The following RBFOX1 variants were observed in gnomAD, a reference collection of about 807,000 sequenced individuals.
The protein encoded by RBFOX1 is RNA binding protein fox-1 homolog 1.
A neutral mutation model predicts 57.7 loss-of-function variants in RBFOX1; 8 were observed. That is an observed-to-expected ratio of 0.14 (90% CI 0.08 to 0.25). The LOEUF (loss-of-function observed/expected upper bound fraction) is 0.25. RBFOX1 is among the 10% of genes least tolerant of loss of function. RBFOX1 has a pLI of 1.00. For missense variants in RBFOX1, 611 were observed against 548.5 expected, an observed-to-expected ratio of 1.11 and a Z score of -1.14; for synonymous variants, 326 against 222.4, an observed-to-expected ratio of 1.47 and a Z score of -4.15.
intron 3 of RBFOX1, among the ~76,000 whole-genome samples, chr16:5,843,440 T>C (rs1213464789): frequency 6.6e-6 from 1 of 152,222 alleles, no homozygotes; most frequent in Admixed American, 6.5e-5. Flanking sequence ...TCCAGCTCCA[T>C]GCATGTTCCA....
At chr16:6,764,367 T>A (rs994850) in intron 3 of RBFOX1, among the ~76,000 whole-genome samples, 134,412 of 152,108 alleles carry the variant, frequency 0.88, 59,793 homozygotes, top group Middle Eastern at 0.94. Context: ...TTTCAGTCCT[T>A]ATGGTAGTCG....
At chr16:7,043,762 C>G (rs935374122) in intron 3 of RBFOX1, among the ~76,000 whole-genome samples, 1 of 152,236 alleles carries the variant, frequency 6.6e-6, no homozygotes, top group East Asian at 1.9e-4. Flanking sequence ...TCCTACTTTC[C>G]CCAGTTCAAG....
intron 2 of RBFOX1, among the ~76,000 whole-genome samples, chr16:5,513,134 T>A (rs2043665982): frequency 6.6e-6 from 1 of 152,178 alleles, no homozygotes; most frequent in Admixed American, 6.5e-5. Context: ...AGGCTGGTCT[T>A]GAACTCCAGG....
At chr16:6,224,505 A>C (rs182866710) in intron 1 of RBFOX1, among the ~76,000 whole-genome samples, 7 of 152,110 alleles carry the variant, frequency 4.6e-5, no homozygotes, top group Non-Finnish European at 1.0e-4. Flanking sequence ...TGGAGTAGTA[A>C]GATGCTCGAT....
intron 2 of RBFOX1, among the ~76,000 whole-genome samples, chr16:5,596,740 A>C (rs1245141098): frequency 6.6e-6 from 1 of 152,258 alleles, no homozygotes; most frequent in Non-Finnish European, 1.5e-5. Flanking sequence ...AAAGCCAGAC[A>C]TTCTCAGACC....
At chr16:7,079,782 C>T (rs1288027667) in intron 4 of RBFOX1, among the ~76,000 whole-genome samples, 1 of 151,702 alleles carries the variant, frequency 6.6e-6, no homozygotes, top group Non-Finnish European at 1.5e-5. Flanking sequence ...GTGTGTTTGT[C>T]AAACTGTACA....
At chr16:6,304,876 C>CAA (rs58680911) in intron 1 of RBFOX1, among the ~76,000 whole-genome samples, 32 of 79,642 alleles carry the variant, frequency 4.0e-4, no homozygotes, top group East Asian at 7.3e-4. Context: ...GACCCTGTCT[C>CAA]AAAAAAAAAA....
At chr16:5,625,258 G>T (rs1202157730) in intron 3 of RBFOX1, among the ~76,000 whole-genome samples, 1 of 152,182 alleles carries the variant, frequency 6.6e-6, no homozygotes, top group Non-Finnish European at 1.5e-5. Context: ...GGACCTGGGC[G>T]TGGTAGGGGC....
chr16:7,475,744 G>C (rs1318467670), intron 4 of RBFOX1, among the ~76,000 whole-genome samples: 1 of 152,188 alleles, frequency 6.6e-6, no homozygotes, highest in Non-Finnish European at 1.5e-5. Context: ...CTGGGCCTCA[G>C]ATTCCCCATA....
intron 4 of RBFOX1, among the ~76,000 whole-genome samples, chr16:7,249,102 A>G (rs994889138): frequency 6.6e-6 from 1 of 152,136 alleles, no homozygotes; most frequent in Non-Finnish European, 1.5e-5. Context: ...AGGGGAAGAG[A>G]GAAATGGGAG....
chr16:5,628,311 G>C (rs1314717829), intron 3 of RBFOX1, among the ~76,000 whole-genome samples: 1 of 152,206 alleles, frequency 6.6e-6, no homozygotes, highest in African/African-American at 2.4e-5. Flanking sequence ...AATTATCACA[G>C]ACTAAATTCT....
chr16:5,305,201 C>T (rs1326595822), intron 1 of RBFOX1, among the ~76,000 whole-genome samples: 1 of 152,156 alleles, frequency 6.6e-6, no homozygotes, highest in East Asian at 1.9e-4. Context: ...GTTTCAGAAT[C>T]AGTGAGGGAC....
chr16:6,206,941 C>T (rs1008190457), intron 1 of RBFOX1, among the ~76,000 whole-genome samples: 2 of 151,448 alleles, frequency 1.3e-5, no homozygotes, highest in African/African-American at 4.9e-5. Context: ...CCTTGTAATA[C>T]ACTTAATTCT....
intron 1 of RBFOX1, among the ~76,000 whole-genome samples, chr16:5,395,239 C>G (rs745336825): frequency 2.6e-5 from 4 of 152,242 alleles, no homozygotes; most frequent in Admixed American, 6.5e-5. Context: ...CTCACTAACT[C>G]TTCCTTGAAG....
chr16:6,431,177 G>T (rs1010218643), intron 2 of RBFOX1, among the ~76,000 whole-genome samples: 1 of 151,862 alleles, frequency 6.6e-6, no homozygotes, highest in African/African-American at 2.4e-5. Flanking sequence ...AATGGTCTAG[G>T]TGGGGAAAGG....
chr16:5,887,848 T>A (rs2057939276), intron 4 of RBFOX1, among the ~76,000 whole-genome samples: 1 of 152,154 alleles, frequency 6.6e-6, no homozygotes, highest in African/African-American at 2.4e-5. Context: ...GGAGAGAGAT[T>A]TTTTGCATAC....
intron 1 of RBFOX1, among the ~76,000 whole-genome samples, chr16:6,209,836 C>T (rs567314732): frequency 4.6e-5 from 7 of 152,168 alleles, no homozygotes; most frequent in Non-Finnish European, 1.0e-4. Context: ...CAGAGGGAAT[C>T]GATAGAAACA....
intron 4 of RBFOX1, among the ~76,000 whole-genome samples, chr16:7,460,469 T>C (rs2059381452): frequency 6.9e-6 from 1 of 145,446 alleles, no homozygotes; most frequent in Non-Finnish European, 1.5e-5. Flanking sequence ...ATATCTAATA[T>C]ATATCTAATT....
chr16:5,800,506 G>T (rs2055022434), intron 3 of RBFOX1, among the ~76,000 whole-genome samples: 1 of 152,132 alleles, frequency 6.6e-6, no homozygotes. Context: ...CCTCTGCTGG[G>T]CAATGGCAAG....
Sources: gnomAD v4.1 joint callset for allele counts (sites outside exome capture counted in the v4.1 genomes callset) on GRCh38, gnomAD v4.1.1 for gene constraint, MANE v1.5 for transcripts, NCBI Gene and HGNC (gene_info 2026-07-23, HGNC 2026-07-21) for gene names.